The following APBA2 variants were observed in gnomAD, a reference collection of about 807,000 sequenced individuals.
The protein encoded by APBA2 is amyloid-beta A4 precursor protein-binding family A member 2.
A neutral mutation model predicts 75.0 loss-of-function variants in APBA2; 30 were observed. The ratio of observed to expected loss-of-function variants is 0.40; its 90% CI spans 0.30 to 0.54. The LOEUF is 0.54. Ranked by LOEUF, APBA2 falls within the 20% of genes least tolerant of loss-of-function variation. APBA2 has a pLI of 0.49. For synonymous variants in APBA2, 444 were observed against 409.6 expected (o/e 1.08, Z -1.01); for missense variants, 801 against 1,016.1 (o/e 0.79, Z 2.88).
Position 29,117,668 on chromosome 15 carries a change from G to GTGAT in APBA2, c.*550_*553dup, listed in dbSNP as rs3833817. On this transcript the variant is annotated 3_prime_UTR_variant, in exon 15 of 15. Coordinates refer to ENST00000683413, the MANE Select transcript of APBA2 (RefSeq NM_001353788.2). ...ACTTGTAATGAAAGTTTGGGGACAT[G>GTGAT]TGATTGATTGATTGATTGTAAATAA... 0.68 allele frequency: 105,496 copies of GTGAT among 155,562 alleles called. 37,764 individuals carry two copies. The highest frequency in any genetic ancestry group is 0.81 in the Middle Eastern group (251 of 310). 9.6% of individuals were successfully genotyped at this position (155,562 alleles called of 1,614,324 possible).
chr15:28,954,514 T>A (rs1189589560), intron 2 of APBA2, among the ~76,000 whole-genome samples: 1 of 152,152 alleles, frequency 6.6e-6, no homozygotes, highest in African/African-American at 2.4e-5. Context: ...CTGGCCCACA[T>A]CCCTGAGCTG....
chr15:29,049,973 CTAAAG>C (rs2041517363), intron 3 of APBA2, among the ~76,000 whole-genome samples: 1 of 152,094 alleles, frequency 6.6e-6, no homozygotes, highest in African/African-American at 2.4e-5. Context: ...CTTCCTGTAA[CTAAAG>C]TAAGATGTGG....
intron 2 of APBA2, among the ~76,000 whole-genome samples, chr15:28,928,142 TA>T (rs71132859): frequency 8.8e-4 from 115 of 131,352 alleles, no homozygotes; most frequent in Admixed American, 1.2e-3. Flanking sequence ...AGACTCCATC[TA>T]AAAAAAAAAA....
intron 1 of APBA2, among the ~76,000 whole-genome samples, chr15:28,915,102 CCCACCTCA>C: frequency 2.4e-5 from 3 of 127,402 alleles, no homozygotes; most frequent in African/African-American, 3.0e-5. Context: ...ACATACCATA[CCCACCTCA>C]CACACACCAC....
In APBA2 at chr15:29,113,988, T is replaced by G; in HGVS notation, c.2150T>G (p.Val717Gly). ...GTGGCCACAGCCCACGAGAAGATAGTCCAAGCTCTGTCCAACTCGGTCGGA... is the reference window on the plus strand; with the variant it reads ...GTGGCCACAGCCCACGAGAAGATAGGCCAAGCTCTGTCCAACTCGGTCGGA... Reference protein sequence around the residue: ...SVVATAHEKIVQALSNSVGEI... With the variant: ...SVVATAHEKIGQALSNSVGEI... Residue 717 changes from valine to glycine, a missense_variant, in exon 14 of 15, where the codon GTC (valine) becomes GGC (glycine). Val to Gly is a moderately radical substitution (Grantham distance 109). Coordinates refer to ENST00000683413, the MANE Select transcript of APBA2 (RefSeq NM_001353788.2). 6.2e-7 allele frequency: 1 copy of G among 1,613,764 alleles called. No homozygotes were observed. Among genetic ancestry groups the G allele is most frequent in the Non-Finnish European group, 8.5e-7 (1 of 1,180,014 alleles).
In APBA2 at chr15:29,049,778, C is replaced by G. The variant is rs577374940; in HGVS notation, c.-40-4067C>G. On this transcript the variant is annotated intron_variant, in intron 3 of 14. Transcript: ENST00000683413. Reference sequence around the variant, plus strand: ...AGCAAAGACAGGTCACATGCTATATCTTGCTGAAAAGTGAGTTAGTGTTTT... The same window carrying G: ...AGCAAAGACAGGTCACATGCTATATGTTGCTGAAAAGTGAGTTAGTGTTTT... 3.3e-5 allele frequency among the ~76,000 whole-genome samples: 5 copies of G among 152,234 alleles called. No individual in the cohort carries two copies. The South Asian group carries it at 8.3e-4, about 25-fold the overall frequency.
At chr15:28,928,436 T>C (rs977368465) in intron 2 of APBA2, among the ~76,000 whole-genome samples, 3 of 152,162 alleles carry the variant, frequency 2.0e-5, no homozygotes, top group Non-Finnish European at 4.4e-5. Context: ...TTTCACCTGC[T>C]GTTGTACACT....
At position 28,904,226 on chromosome 15, in the gene APBA2, C is replaced by T. The variant is rs185298411; in HGVS notation, c.-204-17414C>T. Among the ~76,000 whole-genome samples the T allele has an allele frequency of 2.2e-4, 33 of 152,270 alleles. No individual in the cohort carries two copies. In the South Asian group the frequency reaches 4.3e-3, roughly 20 times the overall value. On this transcript the variant is annotated intron_variant, in intron 1 of 14. Transcript: ENST00000683413. Reference sequence around the variant, plus strand: ...CGGGGGCCCTCCTGTTGTTTGCCCACGATTCCTCCCTGTTCCTGGGCACCC... The same window carrying T: ...CGGGGGCCCTCCTGTTGTTTGCCCATGATTCCTCCCTGTTCCTGGGCACCC...
intron 13 of APBA2, 23 bp from the exon 14 acceptor site, chr15:29,113,853 C>T: frequency 6.2e-7 from 1 of 1,601,404 alleles, no homozygotes. Context: ...AACACGTGTG[C>T]TGACCTGGCC....
At chr15:28,950,811 C>T (rs1408498964) in intron 2 of APBA2, among the ~76,000 whole-genome samples, 2 of 152,086 alleles carry the variant, frequency 1.3e-5, no homozygotes, top group African/African-American at 4.8e-5. Flanking sequence ...TATCTATTCT[C>T]CCCCATTTAT....
At chr15:28,933,682 G>T (rs8025972) in intron 2 of APBA2, among the ~76,000 whole-genome samples, 48,001 of 152,124 alleles carry the variant, frequency 0.32, 12,617 homozygotes, top group African/African-American at 0.7. Context: ...AGGTTTTATT[G>T]GTCCAAAGTC....
At chr15:28,973,248 G>A (rs1198813311) in intron 2 of APBA2, among the ~76,000 whole-genome samples, 1 of 152,230 alleles carries the variant, frequency 6.6e-6, no homozygotes, top group African/African-American at 2.4e-5. Flanking sequence ...GTCATTCTAT[G>A]TGAACACTAG....
At chr15:28,988,539 C>T (rs2038049822) in intron 2 of APBA2, among the ~76,000 whole-genome samples, 2 of 152,210 alleles carry the variant, frequency 1.3e-5, no homozygotes, top group South Asian at 4.1e-4. Context: ...GCTAGGATTG[C>T]AGGCCTGAGC....
At chr15:29,002,117 G>GT (rs958237283) in intron 3 of APBA2, among the ~76,000 whole-genome samples, 3 of 152,166 alleles carry the variant, frequency 2.0e-5, no homozygotes, top group African/African-American at 4.8e-5. Flanking sequence ...GCCTTCAGAA[G>GT]TCCTGCAAGA....
At chr15:28,922,875 G>T (rs573588983) in intron 2 of APBA2, among the ~76,000 whole-genome samples, 1 of 152,282 alleles carries the variant, frequency 6.6e-6, no homozygotes, top group East Asian at 1.9e-4. Context: ...ACCATGCACC[G>T]TGCTGAGGAA....
At chr15:29,027,984 G>GTT (rs34952006) in intron 3 of APBA2, among the ~76,000 whole-genome samples, 28 of 145,956 alleles carry the variant, frequency 1.9e-4, no homozygotes, top group East Asian at 1.6e-3. Flanking sequence ...CACTCTTTTC[G>GTT]TTTTTTTTTT....
At chr15:29,039,613 C>A (rs921485602) in intron 3 of APBA2, among the ~76,000 whole-genome samples, 1 of 152,166 alleles carries the variant, frequency 6.6e-6, no homozygotes, top group Non-Finnish European at 1.5e-5. Flanking sequence ...AGCATCCAAC[C>A]GGGGTTTAGG....
intron 4 of APBA2, among the ~76,000 whole-genome samples, chr15:29,073,288 G>T (rs1361387447): frequency 6.6e-6 from 1 of 152,216 alleles, no homozygotes; most frequent in Non-Finnish European, 1.5e-5. Context: ...CAAGCAGGGG[G>T]AAGAATATTC....
At chr15:29,107,660 G>GCT (rs1486719423) in intron 12 of APBA2, among the ~76,000 whole-genome samples, 1 of 152,146 alleles carries the variant, frequency 6.6e-6, no homozygotes, top group African/African-American at 2.4e-5. Context: ...GCACCAGAGG[G>GCT]CTCAGCAGTT....
Sources: gnomAD v4.1 joint callset for allele counts (sites outside exome capture counted in the v4.1 genomes callset) on GRCh38, gnomAD v4.1.1 for gene constraint, MANE v1.5 for transcripts, NCBI Gene and HGNC (gene_info 2026-07-23, HGNC 2026-07-21) for gene names.